MYO1F: variants seen among roughly 807,000 people sequenced by gnomAD.
MYO1F encodes myosin IF.
A neutral mutation model predicts 146.6 loss-of-function variants in MYO1F; 60 were observed. That is an observed-to-expected ratio of 0.41 (90% CI 0.33 to 0.51). The LOEUF is 0.51. Among genes scored for constraint, MYO1F ranks in the 20% least tolerant of loss-of-function variants. MYO1F has a pLI of 0.25. For missense variants in MYO1F, 1,274 were observed against 1,534.3 expected (o/e 0.83, Z 2.83); for synonymous variants, 602 against 602.1 (o/e 1.00, Z 0.00).
Position 8,534,825 on chromosome 19 carries a change from C to T in MYO1F, c.2043+1427G>A, listed in dbSNP as rs146947062. On this transcript the variant is annotated intron_variant, in intron 19 of 27. Coordinates refer to ENST00000644032, the MANE Select transcript of MYO1F (RefSeq NM_012335.4). Reference sequence around the variant, plus strand: ...TATTTGTAGAAGAGACGGGGTTTCACCATGTTGGTCGGGCTGGTCTTGAAC... The same window carrying T: ...TATTTGTAGAAGAGACGGGGTTTCATCATGTTGGTCGGGCTGGTCTTGAAC... Among the ~76,000 whole-genome samples, 879 of 151,768 alleles carry T rather than the reference C, an allele frequency of 5.8e-3. 4 individuals are homozygous for T. The highest frequency in any genetic ancestry group is 9.6e-3 in the Non-Finnish European group (650 of 67,958).
chr19:8,560,076 C>A (rs187761189), intron 1 of MYO1F, among the ~76,000 whole-genome samples: 2 of 151,898 alleles, frequency 1.3e-5, no homozygotes, highest in East Asian at 3.9e-4. Flanking sequence ...TGGGTAGGCT[C>A]GAAGGGAAAC....
intron 16 of MYO1F, 25 bp from the exon 17 acceptor site, chr19:8,537,080 G>A (rs904533730): frequency 2.6e-6 from 4 of 1,521,478 alleles, no homozygotes; most frequent in Non-Finnish European, 3.6e-6. Context: ...AAGACGGGTG[G>A]GTGGGGGGCA....
At chr19:8,554,816 C>A in intron 2 of MYO1F, 73 bp from the exon 3 acceptor site, 17 of 1,344,308 alleles carry the variant, frequency 1.3e-5, no homozygotes, top group Non-Finnish European at 1.8e-5. Flanking sequence ...CTGCCCCCAC[C>A]CAGGGCTTCC....
chr19:8,560,925 G>C (rs955450388), intron 1 of MYO1F, among the ~76,000 whole-genome samples: 1 of 152,030 alleles, frequency 6.6e-6, no homozygotes, highest in South Asian at 2.1e-4. Flanking sequence ...TTTTGGTAGA[G>C]ACGGGGTTTC....
chr19:8,528,196 T>C (rs141412651), intron 21 of MYO1F, among the ~76,000 whole-genome samples: 2,406 of 151,454 alleles, frequency 0.016, 62 homozygotes, highest in African/African-American at 0.056. Flanking sequence ...CACTCCAGCC[T>C]GGGTGACAGA....
intron 16 of MYO1F, among the ~76,000 whole-genome samples, chr19:8,537,422 G>A (rs554917567): frequency 1.3e-5 from 2 of 152,154 alleles, no homozygotes; most frequent in East Asian, 1.9e-4. Flanking sequence ...TACCTTGGGT[G>A]TTTGTTTTTT....
At position 8,558,748 on chromosome 19, in the gene MYO1F, G is replaced by A. The variant is rs576476981; in HGVS notation, c.4-2952C>T. On this transcript the variant is annotated intron_variant, in intron 1 of 27. Transcript: ENST00000644032. ...CCTCCTGGAAGCCCCCCATCCCCAGGCCAGGAGCTCCTGGAGACAGAGACT... is the reference window on the plus strand; with the variant it reads ...CCTCCTGGAAGCCCCCCATCCCCAGACCAGGAGCTCCTGGAGACAGAGACT... Among the ~76,000 whole-genome samples, 354 of 152,252 alleles carry A rather than the reference G, an allele frequency of 2.3e-3. 4 individuals carry two copies. The Middle Eastern group carries it at 0.034, about 15-fold the overall frequency.
intron 4 of MYO1F, 152 bp downstream of exon 4, chr19:8,554,325 A>T: frequency 1.3e-6 from 1 of 767,342 alleles, no homozygotes. Flanking sequence ...CGTGAGTCAG[A>T]TGGTGACAAG....
chr19:8,543,894 G>A (rs111852383), intron 14 of MYO1F, among the ~76,000 whole-genome samples: 2 of 82,190 alleles, frequency 2.4e-5, no homozygotes, highest in African/African-American at 5.2e-5. Context: ...GGTGGTGGTG[G>A]TGCTGGTGGT....
chr19:8,530,327 T>G lies in MYO1F; in HGVS notation c.2197A>C (p.Asn733His). 6.2e-7 allele frequency: 1 copy of G among 1,614,174 alleles called. No individual in the cohort carries two copies. Among genetic ancestry groups the G allele is most frequent in the Non-Finnish European group, 8.5e-7 (1 of 1,180,026 alleles). The change falls in exon 21 of 28, where the codon AAC becomes CAC. Residue 733 changes from asparagine (N) to histidine (H), a missense_variant. This residue lies in a region of MYO1F where 900 missense variants were observed against 1,155.1 expected (regional missense o/e 0.78). Coordinates refer to ENST00000644032, the MANE Select transcript of MYO1F (RefSeq NM_012335.4). This position sits in a 1 kb window ranked among gnomAD's most constrained non-coding sequence, Gnocchi z 5.8. ...CCGACGAAGTTCCGATTGATGCTGT[T>G]GCGCCTCCGCTCCTTCTTGTTCAGC... ...ILLNKKERRR[N>H]SINRNFVGDY...
chr19:8,568,214 G>C (rs1053632788), intron 1 of MYO1F, among the ~76,000 whole-genome samples: 1 of 151,970 alleles, frequency 6.6e-6, no homozygotes, highest in African/African-American at 2.4e-5. Flanking sequence ...ACGAGGTCAG[G>C]AGATCGAGAC....
rs1212588743 is a variant in MYO1F at position 8,521,607 on chromosome 19, G to A, written c.3221-3C>T. On this transcript the variant is annotated splice_region_variant and splice_polypyrimidine_tract_variant and intron_variant, in intron 27 of 27. Transcript: ENST00000644032. ...GCCCTTCCACCAGCCCGAGGGATCT[G>A]TGGGAGAGAGGAAAGCTTGAGGTGC... The A allele has an allele frequency of 2.5e-6, 4 of 1,613,870 alleles. No individual in the cohort carries two copies. The African/African-American group carries it at 4.0e-5, about 16-fold the overall frequency.
intron 1 of MYO1F, among the ~76,000 whole-genome samples, chr19:8,571,035 G>T (rs924535019): frequency 1.2e-4 from 18 of 152,330 alleles, no homozygotes; most frequent in African/African-American, 4.3e-4. Context: ...CCATGAGCTG[G>T]CCAGGAGGAA....
rs934520757 is a variant in MYO1F, at chr19:8,565,708, G to T, written c.4-9912C>A. ...GGGACAGGCACAGCTGTGTCAGTGG[G>T]TGGGGACACGGGAAGTGCATTTTGT... On this transcript the variant is annotated intron_variant, in intron 1 of 27. Transcript: ENST00000644032. Among the ~76,000 whole-genome samples, 10 of 152,028 alleles carry T rather than the reference G, an allele frequency of 6.6e-5. 1 individual carries two copies. The South Asian group carries it at 2.1e-3, about 32-fold the overall frequency.
chr19:8,528,964 C>G (rs1972376337), intron 21 of MYO1F, among the ~76,000 whole-genome samples: 1 of 152,114 alleles, frequency 6.6e-6, no homozygotes, highest in Non-Finnish European at 1.5e-5. Context: ...GTGGGGATAC[C>G]TGTCTCAGTG....
chr19:8,535,418 G>A (rs926470404), intron 19 of MYO1F, among the ~76,000 whole-genome samples: 4 of 152,064 alleles, frequency 2.6e-5, no homozygotes, highest in African/African-American at 9.6e-5. Flanking sequence ...CTTTGCTGGT[G>A]ATAGTTATTT....
intron 1 of MYO1F, among the ~76,000 whole-genome samples, chr19:8,560,939 GTA>G (rs1974072192): frequency 6.6e-6 from 1 of 151,872 alleles, no homozygotes; most frequent in Non-Finnish European, 1.5e-5. Flanking sequence ...GGGTTTCACT[GTA>G]TTAGCCAGGA....
At chr19:8,524,412 G>C (rs1599907164) in intron 25 of MYO1F, among the ~76,000 whole-genome samples, 4 of 97,820 alleles carry the variant, frequency 4.1e-5, no homozygotes, top group African/African-American at 2.1e-4. Context: ...GCTAGACTCT[G>C]TCTCAAAAAA....
At position 8,521,206 on chromosome 19, in the gene MYO1F, T is replaced by C; in HGVS notation, c.*322A>G. The C allele has an allele frequency of 2.4e-6, 1 of 416,864 alleles. No homozygotes were observed. The highest frequency in any genetic ancestry group is 2.3e-5 in the South Asian group (1 of 44,346). The allele number at this position is 416,864 out of a possible 1,614,324, so 25.8% of individuals were successfully genotyped here. ...CCCCTCCCCAACTGTGCCTGGCACT[T>C]TGCCAACAGCACAGGACTCAAGACC... On this transcript the variant is annotated 3_prime_UTR_variant, in exon 28 of 28. Transcript: ENST00000644032.
Sources: allele counts gnomAD v4.1 joint callset (sites outside exome capture counted in the v4.1 genomes callset), GRCh38; gene constraint gnomAD v4.1.1; regional missense constraint gnomAD v4.1.1; non-coding constraint Gnocchi (gnomAD v3.1); transcripts MANE v1.5; gene names NCBI Gene and HGNC (gene_info 2026-07-23, HGNC 2026-07-21).